The following RORA variants were observed in gnomAD, a reference collection of about 807,000 sequenced individuals.
RORA encodes nuclear receptor ROR-alpha.
In RORA, 7 loss-of-function variants were observed where a neutral mutation model predicts 69.5. The ratio of observed to expected loss-of-function variants is 0.10; its 90% CI spans 0.06 to 0.19. RORA has a LOEUF of 0.19. Ranked by LOEUF, RORA falls within the 10% of genes least tolerant of loss-of-function variation. The pLI is 1.00. For synonymous variants in RORA, 261 were observed against 240.8 expected, an observed-to-expected ratio of 1.08 and a Z score of -0.78; for missense variants, 457 against 663.0, an observed-to-expected ratio of 0.69 and a Z score of 3.41.
intron 2 of RORA, among the ~76,000 whole-genome samples, chr15:60,538,543 T>C (rs1178069762): frequency 6.6e-6 from 1 of 152,212 alleles, no homozygotes; most frequent in African/African-American, 2.4e-5. Flanking sequence ...ACCATAATTC[T>C]CATCTGCTAG....
intron 1 of RORA, among the ~76,000 whole-genome samples, chr15:60,973,914 T>C (rs544963766): frequency 1.3e-5 from 2 of 152,358 alleles, no homozygotes; most frequent in African/African-American, 2.4e-5. Flanking sequence ...AATTAGCTGA[T>C]GGAGGATCAC....
chr15:60,748,998 A>C lies in RORA; in HGVS notation c.167-70312T>G, dbSNP rs1157753830. ...TAATAGATAATTATAAATTTTAGTAAATATAAGAATCACCCCGGGAGCTTG... is the reference window on the plus strand; with the variant it reads ...TAATAGATAATTATAAATTTTAGTACATATAAGAATCACCCCGGGAGCTTG... On this transcript the variant is annotated intron_variant, in intron 1 of 10. Transcript: ENST00000335670. Among the ~76,000 whole-genome samples the C allele has an allele frequency of 4.6e-5, 7 of 152,288 alleles. No individual in the cohort carries two copies. The East Asian group carries it at 1.3e-3, about 29-fold the overall frequency.
intron 1 of RORA, among the ~76,000 whole-genome samples, chr15:61,066,104 A>C (rs559752196): frequency 1.3e-5 from 2 of 152,208 alleles, no homozygotes; most frequent in Non-Finnish European, 2.9e-5. Context: ...GTAAAGACCC[A>C]GTTTGCAATG....
intron 1 of RORA, among the ~76,000 whole-genome samples, chr15:60,965,164 C>A (rs1343172104): frequency 6.6e-6 from 1 of 152,148 alleles, no homozygotes; most frequent in Non-Finnish European, 1.5e-5. Flanking sequence ...GTATTATGGG[C>A]CTTGGGTACT....
In RORA at chr15:61,166,344, G is replaced by C. The variant is rs1317711663; in HGVS notation, c.166+62709C>G. 2.6e-5 allele frequency among the ~76,000 whole-genome samples: 4 copies of C among 152,224 alleles called. No homozygotes were observed. In the South Asian group the frequency reaches 8.3e-4, roughly 32 times the overall value. ...GATGAACATGTCTCTTGGAATACCA[G>C]AATAATTTCCCCACGTCAGCCTTGT... is the stretch of plus-strand genomic sequence containing the variant. On this transcript the variant is annotated intron_variant, in intron 1 of 10. Transcript: ENST00000335670.
chr15:60,945,341 GCTT>G (rs1892838973), intron 1 of RORA, among the ~76,000 whole-genome samples: 1 of 152,166 alleles, frequency 6.6e-6, no homozygotes, highest in African/African-American at 2.4e-5. Context: ...CACAGTGCTG[GCTT>G]CTTGCATGGA....
At chr15:60,685,235 T>C (rs1596125105) in intron 1 of RORA, among the ~76,000 whole-genome samples, 2 of 152,072 alleles carry the variant, frequency 1.3e-5, no homozygotes, top group African/African-American at 4.8e-5. Context: ...CTTAACCCAC[T>C]CCCTGCCACA....
chr15:60,799,505 A>T (rs1029150065), intron 1 of RORA, among the ~76,000 whole-genome samples: 2 of 152,052 alleles, frequency 1.3e-5, no homozygotes, highest in Non-Finnish European at 2.9e-5. Context: ...ATACACATCC[A>T]CTCAAAACAC....
chr15:61,054,041 T>G (rs56263201), intron 1 of RORA, among the ~76,000 whole-genome samples: 18,911 of 151,506 alleles, frequency 0.12, 1,598 homozygotes, highest in Middle Eastern at 0.23. Context: ...CATTACATTT[T>G]TATCCCAAAG....
At chr15:60,896,521 C>G (rs961404290) in intron 1 of RORA, among the ~76,000 whole-genome samples, 4 of 152,218 alleles carry the variant, frequency 2.6e-5, no homozygotes, top group Non-Finnish European at 5.9e-5. Flanking sequence ...CATTACTATA[C>G]TAGGCCATTC....
chr15:61,174,360 G>C (rs1254056269), intron 1 of RORA, among the ~76,000 whole-genome samples: 1 of 152,116 alleles, frequency 6.6e-6, no homozygotes, highest in Non-Finnish European at 1.5e-5. Flanking sequence ...TACTAACCTT[G>C]GCTTCCCCAG....
intron 1 of RORA, among the ~76,000 whole-genome samples, chr15:61,021,343 A>G (rs1428028888): frequency 6.6e-6 from 1 of 152,250 alleles, no homozygotes; most frequent in East Asian, 1.9e-4. Flanking sequence ...ATACACCGTC[A>G]GTATCACTGC....
chr15:60,777,791 G>A (rs989016453), intron 1 of RORA, among the ~76,000 whole-genome samples: 3 of 152,182 alleles, frequency 2.0e-5, no homozygotes, highest in Non-Finnish European at 2.9e-5. Context: ...CGGCAGCACA[G>A]GGAATGAGTA....
At chr15:60,516,158 TA>T (rs2065921365) in intron 3 of RORA, among the ~76,000 whole-genome samples, 2 of 32,050 alleles carry the variant, frequency 6.2e-5, no homozygotes, top group African/African-American at 2.5e-4. Flanking sequence ...TATATATATA[TA>T]TTTATATATA....
At chr15:60,956,919 T>C (rs549778120) in intron 1 of RORA, among the ~76,000 whole-genome samples, 244 of 152,302 alleles carry the variant, frequency 1.6e-3, no homozygotes, top group Non-Finnish European at 3.0e-3. Context: ...AGCTGTGAGA[T>C]CAGGAGCAAG....
In RORA at chr15:60,582,490, T is replaced by C. The variant is rs1411729721; in HGVS notation, c.197-50639A>G. Among the ~76,000 whole-genome samples, 3 of 152,306 alleles carry C rather than the reference T, an allele frequency of 2.0e-5. No homozygotes were observed. In the East Asian group the frequency reaches 5.8e-4, roughly 29 times the overall value. ...AACAACTGAGGTTTAACCTGACAAT[T>C]ATTGCATCGCAGATCTGGGACAATA... is the stretch of plus-strand genomic sequence containing the variant. On this transcript the variant is annotated intron_variant, in intron 2 of 10. Coordinates refer to ENST00000335670, the MANE Select transcript of RORA (RefSeq NM_134261.3).
Position 60,597,617 on chromosome 15 carries a change from T to C in RORA, c.197-65766A>G, listed in dbSNP as rs866768344. ...ATACACATATATATATATATATATATACATACATATATATACATATATATA... is the reference window on the plus strand; with the variant it reads ...ATACACATATATATATATATATATACACATACATATATATACATATATATA... On this transcript the variant is annotated intron_variant, in intron 2 of 10. Coordinates refer to ENST00000335670, the MANE Select transcript of RORA (RefSeq NM_134261.3). Among the ~76,000 whole-genome samples the C allele has an allele frequency of 3.4e-4, 15 of 43,530 alleles. 1 individual carries two copies. The highest frequency in any genetic ancestry group is 2.3e-3 in the South Asian group (3 of 1,298). The allele number at this position is 43,530 out of a possible 152,430, so 28.6% of individuals were successfully genotyped here. A position where few individuals can be genotyped will look rare whatever the true frequency, so the allele number is the denominator to read the frequency against.
At chr15:60,886,295 G>A (rs112446310) in intron 1 of RORA, among the ~76,000 whole-genome samples, 2,203 of 152,226 alleles carry the variant, frequency 0.014, 39 homozygotes, top group Non-Finnish European at 0.019. Flanking sequence ...GTTCTAACTC[G>A]GGATTTCATT....
intron 1 of RORA, among the ~76,000 whole-genome samples, chr15:61,140,063 T>C (rs2079283872): frequency 6.6e-6 from 1 of 152,334 alleles, no homozygotes; most frequent in South Asian, 2.1e-4. Flanking sequence ...GGTGTGCATA[T>C]ACATTCACAG....
Sources: gnomAD v4.1 joint callset for allele counts (sites outside exome capture counted in the v4.1 genomes callset) on GRCh38, gnomAD v4.1.1 for gene constraint, MANE v1.5 for transcripts, NCBI Gene and HGNC (gene_info 2026-07-23, HGNC 2026-07-21) for gene names.